RHCG: variants seen among roughly 807,000 people sequenced by gnomAD.
The protein encoded by RHCG is Rh family C glycoprotein.
RHCG carries 39 observed loss-of-function variants against 55.3 expected under a neutral mutation model. The observed-to-expected ratio is 0.70, with a 90% CI of 0.55 to 0.92. RHCG has a LOEUF of 0.92. Ranked by LOEUF, RHCG falls within the 40% of genes least tolerant of loss-of-function variation. The pLI is 0.00. For missense variants in RHCG, 635 were observed against 627.9 expected, an observed-to-expected ratio of 1.01 and a Z score of -0.12; for synonymous variants, 250 against 246.8, an observed-to-expected ratio of 1.01 and a Z score of -0.12.
intron 1 of RHCG, among the ~76,000 whole-genome samples, chr15:89,494,231 C>G (rs1004453974): frequency 8.5e-5 from 13 of 152,162 alleles, no homozygotes; most frequent in African/African-American, 2.9e-4. Context: ...CATCACAGAT[C>G]ACTTCTGCTC....
At chr15:89,475,156 TCCTTCCTGCCTGCCTG>T (rs1339207179) in intron 9 of RHCG, among the ~76,000 whole-genome samples, 30 of 146,562 alleles carry the variant, frequency 2.0e-4, no homozygotes, top group African/African-American at 5.5e-4. Flanking sequence ...ATTCCTTCCT[TCCTTCCTGCCTGCCTG>T]CCTTCCTGCC....
intron 1 of RHCG, among the ~76,000 whole-genome samples, chr15:89,492,885 G>A (rs1186721390): frequency 6.6e-6 from 1 of 152,164 alleles, no homozygotes; most frequent in Non-Finnish European, 1.5e-5. Context: ...AGCATTTACT[G>A]TCCTCTCCCT....
At chr15:89,492,532 G>A (rs2141903252) in intron 1 of RHCG, among the ~76,000 whole-genome samples, 1 of 152,296 alleles carries the variant, frequency 6.6e-6, no homozygotes, top group East Asian at 1.9e-4. Context: ...ATCTCCTGGG[G>A]AGATGGTCAG....
chr15:89,496,517 G>A lies in RHCG; in HGVS notation c.28C>T (p.Arg10Trp), dbSNP rs199622503. 1 of 1,612,860 alleles carries A rather than the reference G, an allele frequency of 6.2e-7. No individual in the cohort carries two copies. The highest frequency in any genetic ancestry group is 8.5e-7 in the Non-Finnish European group (1 of 1,179,850). Residue 10 changes from arginine to tryptophan, a missense_variant, in exon 1 of 11, where the codon CGG becomes TGG. Coordinates refer to ENST00000268122, the MANE Select transcript of RHCG (RefSeq NM_016321.3). Reference sequence around the variant, plus strand: ...AGGAGCAGGCAGGTGAGCGGCAGCCGCCAGCGGAGGTTGGTGTTCCAGGCC... The same window carrying A: ...AGGAGCAGGCAGGTGAGCGGCAGCCACCAGCGGAGGTTGGTGTTCCAGGCC... MAWNTNLRW[R>W]LPLTCLLLQV...
intron 9 of RHCG, among the ~76,000 whole-genome samples, chr15:89,475,235 T>C (rs1961126198): frequency 1.3e-5 from 2 of 152,062 alleles, no homozygotes; most frequent in African/African-American, 4.8e-5. Context: ...CTTCTTTTCT[T>C]TCCTTCCTTT....
intron 1 of RHCG, among the ~76,000 whole-genome samples, chr15:89,494,119 C>T (rs938470340): frequency 6.6e-6 from 1 of 152,100 alleles, no homozygotes; most frequent in African/African-American, 2.4e-5. Context: ...ACTCTTGGGC[C>T]ACACAGAACC....
At chr15:89,487,903 C>A (rs1226033413) in intron 1 of RHCG, among the ~76,000 whole-genome samples, 2 of 152,194 alleles carry the variant, frequency 1.3e-5, no homozygotes, top group East Asian at 1.9e-4. Context: ...CCTTGGCAAG[C>A]CACTTCCCTT....
intron 2 of RHCG, among the ~76,000 whole-genome samples, chr15:89,484,582 C>A (rs1961325163): frequency 6.6e-6 from 1 of 152,006 alleles, no homozygotes; most frequent in East Asian, 1.9e-4. Flanking sequence ...CAGTTCAAGA[C>A]CATCCTGGCC....
At chr15:89,495,548 C>T (rs1035835374) in intron 1 of RHCG, among the ~76,000 whole-genome samples, 1 of 152,140 alleles carries the variant, frequency 6.6e-6, no homozygotes, top group Non-Finnish European at 1.5e-5. Flanking sequence ...TCGGGCAGCT[C>T]AGAGTGACCT....
intron 9 of RHCG, among the ~76,000 whole-genome samples, chr15:89,474,499 G>A (rs941988136): frequency 1.3e-5 from 2 of 152,148 alleles, no homozygotes; most frequent in Non-Finnish European, 2.9e-5. Flanking sequence ...AGGCATGAGG[G>A]GAGTCCTGCC....
intron 3 of RHCG, among the ~76,000 whole-genome samples, chr15:89,481,929 G>A (rs770035989): frequency 1.8e-4 from 27 of 152,282 alleles, no homozygotes; most frequent in Non-Finnish European, 2.9e-4. Context: ...AGCCTCCAGA[G>A]TAGCTGGGAT....
At chr15:89,473,188 G>T (rs751115140) in intron 9 of RHCG, among the ~76,000 whole-genome samples, 35 of 152,220 alleles carry the variant, frequency 2.3e-4, no homozygotes, top group Non-Finnish European at 4.8e-4. Context: ...CCCAGCCTGG[G>T]GGATGCTGAG....
At position 89,477,282 on chromosome 15, in the gene RHCG, G is replaced by A; in HGVS notation, c.1113-76C>T. 1 of 1,584,164 alleles carries A rather than the reference G, an allele frequency of 6.3e-7. No homozygotes were observed. The highest frequency in any genetic ancestry group is 1.3e-5 in the African/African-American group (1 of 74,150). ...CAGCTTGCTGCCACCCCAAAAATGT[G>A]ACCGGGTACCACGGGCCTCAGCCTT... On this transcript the variant is annotated intron_variant, in intron 7 of 10. Transcript: ENST00000268122. This position sits in a 1 kb window ranked among gnomAD's most constrained non-coding sequence, Gnocchi z 4.5.
intron 1 of RHCG, among the ~76,000 whole-genome samples, chr15:89,490,245 C>T (rs1961448932): frequency 6.6e-6 from 1 of 152,250 alleles, no homozygotes. Context: ...GTTTCCCTTC[C>T]AGGCTTCCCT....
intron 9 of RHCG, among the ~76,000 whole-genome samples, chr15:89,476,345 G>A (rs1961149535): frequency 6.6e-6 from 1 of 152,198 alleles, no homozygotes; most frequent in South Asian, 2.1e-4. Flanking sequence ...GGGAATTACA[G>A]TTGTGAGCTA....
chr15:89,493,018 T>C (rs184054873), intron 1 of RHCG, among the ~76,000 whole-genome samples: 19 of 152,344 alleles, frequency 1.2e-4, no homozygotes, highest in Admixed American at 5.9e-4. Flanking sequence ...GGCGAGGTGG[T>C]TGGCTCCTCC....
At position 89,480,427 on chromosome 15, in the gene RHCG, G is replaced by C; in HGVS notation, c.523-19C>G. ...CCTTCACCTGGGGTGCAAGGGGCCT[G>C]TCAGACTCTGGCACCTTCTCTCCCT... is the stretch of plus-strand genomic sequence containing the variant. On this transcript the variant is annotated intron_variant, in intron 3 of 10. Transcript: ENST00000268122. 2 of 1,607,022 alleles carry C rather than the reference G, an allele frequency of 1.2e-6. No individual in the cohort carries two copies. Among genetic ancestry groups the C allele is most frequent in the East Asian group, 2.2e-5 (1 of 44,786 alleles).
chr15:89,479,243 A>G (rs1318029609), intron 5 of RHCG, 79 bp downstream of exon 5: 5 of 1,464,502 alleles, frequency 3.4e-6, no homozygotes, highest in Non-Finnish European at 4.6e-6. Context: ...ATCCCCTCAG[A>G]GGTGTTGGCA....
In RHCG at chr15:89,477,217, G is replaced by A; in HGVS notation, c.1113-11C>T. The A allele has an allele frequency of 6.2e-7, 1 of 1,613,940 alleles. No individual in the cohort carries two copies. Among genetic ancestry groups the A allele is most frequent in the South Asian group, 1.1e-5 (1 of 91,040 alleles). On this transcript the variant is annotated splice_polypyrimidine_tract_variant and intron_variant, in intron 7 of 10. Coordinates refer to ENST00000268122, the MANE Select transcript of RHCG (RefSeq NM_016321.3). The surrounding 1 kb of genome is among the most constrained non-coding windows in gnomAD (Gnocchi z 4.5). Reference sequence around the variant, plus strand: ...AAGGAATGGACAAGCCTGGGGTGGAGACAGGGGGCAGGTCAGGGCCCCATG... The same window carrying A: ...AAGGAATGGACAAGCCTGGGGTGGAAACAGGGGGCAGGTCAGGGCCCCATG...
Sources: allele counts gnomAD v4.1 joint callset (sites outside exome capture counted in the v4.1 genomes callset), GRCh38; gene constraint gnomAD v4.1.1; non-coding constraint Gnocchi (gnomAD v3.1); transcripts MANE v1.5; gene names NCBI Gene and HGNC (gene_info 2026-07-23, HGNC 2026-07-21).